The following GPR39 variants were observed in gnomAD, a reference collection of about 807,000 sequenced individuals.
The protein encoded by GPR39 is G protein-coupled receptor 39.
GPR39 carries 23 observed loss-of-function variants against 18.4 expected under a neutral mutation model. The ratio of observed to expected loss-of-function variants is 1.25; its 90% CI spans 0.90 to 1.77. The LOEUF (loss-of-function observed/expected upper bound fraction) is 1.77. Ranked by LOEUF, GPR39 falls within the 40% of genes most tolerant of loss-of-function variation. The pLI, the probability that GPR39 is intolerant of heterozygous loss-of-function variation, is 0.00. For synonymous variants in GPR39, 280 were observed against 257.9 expected, an observed-to-expected ratio of 1.09 and a Z score of -0.82; for missense variants, 647 against 602.4, an observed-to-expected ratio of 1.07 and a Z score of -0.78.
At chr2:132,603,823 G>T (rs548285420) in intron 1 of GPR39, among the ~76,000 whole-genome samples, 44 of 152,268 alleles carry the variant, frequency 2.9e-4, no homozygotes, top group African/African-American at 1.0e-3. Context: ...AGCCTTTGAA[G>T]GACTCAAGGC....
At chr2:132,585,398 A>G (rs2104826748) in intron 1 of GPR39, among the ~76,000 whole-genome samples, 1 of 152,256 alleles carries the variant, frequency 6.6e-6, no homozygotes, top group Non-Finnish European at 1.5e-5. Flanking sequence ...TGCCAGTCCC[A>G]GTCCTTGAGC....
At chr2:132,529,488 C>T (rs1679572732) in intron 1 of GPR39, among the ~76,000 whole-genome samples, 1 of 152,226 alleles carries the variant, frequency 6.6e-6, no homozygotes, top group African/African-American at 2.4e-5. Flanking sequence ...CGCTGTCTGA[C>T]AGCTTTGAAA....
At chr2:132,512,002 A>G (rs1444912225) in intron 1 of GPR39, among the ~76,000 whole-genome samples, 5 of 152,108 alleles carry the variant, frequency 3.3e-5, no homozygotes, top group East Asian at 3.9e-4. Context: ...CCAGTCCCCA[A>G]TCCCCAGACA....
intron 1 of GPR39, among the ~76,000 whole-genome samples, chr2:132,554,178 C>T (rs200987178): frequency 2.0e-5 from 3 of 152,094 alleles, no homozygotes; most frequent in South Asian, 2.1e-4. Context: ...AACTGGGAGC[C>T]GTGGTGGCCT....
rs372010012 is a variant in GPR39 at position 132,528,903 on chromosome 2, G to A, written c.856+111005G>A. Reference sequence around the variant, plus strand: ...TCCTGGGGGTGGAGCCAAGATGACTGAATAGGAACAGCTCCAGTCTACAGC... The same window carrying A: ...TCCTGGGGGTGGAGCCAAGATGACTAAATAGGAACAGCTCCAGTCTACAGC... On this transcript the variant is annotated intron_variant, in intron 1 of 1. Transcript: ENST00000329321. Among the ~76,000 whole-genome samples, 6 of 152,108 alleles carry A rather than the reference G, an allele frequency of 3.9e-5. No individual in the cohort carries two copies. In the East Asian group the frequency reaches 9.7e-4, roughly 25 times the overall value.
intron 1 of GPR39, among the ~76,000 whole-genome samples, chr2:132,541,463 T>C (rs1679860399): frequency 6.6e-6 from 1 of 152,212 alleles, no homozygotes; most frequent in Admixed American, 6.5e-5. Flanking sequence ...ATATCCTGAA[T>C]TGACAGGGCA....
At chr2:132,555,046 G>T (rs1273678293) in intron 1 of GPR39, among the ~76,000 whole-genome samples, 2 of 151,986 alleles carry the variant, frequency 1.3e-5, no homozygotes, top group Admixed American at 1.3e-4. Context: ...CCACCTCCCA[G>T]GTTCAAGCGA....
intron 1 of GPR39, among the ~76,000 whole-genome samples, chr2:132,624,157 G>A (rs1405326424): frequency 6.6e-6 from 1 of 152,308 alleles, no homozygotes; most frequent in East Asian, 1.9e-4. Context: ...TGTCGGTAGG[G>A]TTGGCTCTTG....
chr2:132,441,447 A>C (rs1469541233), intron 1 of GPR39, among the ~76,000 whole-genome samples: 1 of 152,172 alleles, frequency 6.6e-6, no homozygotes, highest in Non-Finnish European at 1.5e-5. Flanking sequence ...TACCATGGAA[A>C]GAACTGAAAA....
intron 1 of GPR39, among the ~76,000 whole-genome samples, chr2:132,583,221 G>C (rs531980238): frequency 6.6e-6 from 1 of 152,100 alleles, no homozygotes; most frequent in East Asian, 1.9e-4. Context: ...AGTACCTACT[G>C]TTTCATGAAA....
chr2:132,438,933 C>T (rs577356305), intron 1 of GPR39, among the ~76,000 whole-genome samples: 25 of 152,230 alleles, frequency 1.6e-4, no homozygotes, highest in Non-Finnish European at 2.8e-4. Context: ...TATGTCGCAG[C>T]GAGCATGTGT....
chr2:132,639,057 G>A (rs1681815183), intron 1 of GPR39, among the ~76,000 whole-genome samples: 1 of 149,178 alleles, frequency 6.7e-6, no homozygotes, highest in African/African-American at 2.6e-5. Flanking sequence ...CTTGCCTGTG[G>A]GAATGTTTAT....
intron 1 of GPR39, among the ~76,000 whole-genome samples, chr2:132,465,232 C>A (rs551985809): frequency 1.2e-4 from 19 of 152,228 alleles, no homozygotes; most frequent in African/African-American, 4.6e-4. Context: ...CAGATCTGGG[C>A]AGTCGCCTGG....
Position 132,502,017 on chromosome 2 carries a change from A to G in GPR39, c.856+84119A>G, listed in dbSNP as rs1354211782. ...AAGACAGCAGAAACTTGCTTGGTGA[A>G]TTCTTATTCATTCTGCCATCTTGTA... is the stretch of plus-strand genomic sequence containing the variant. On this transcript the variant is annotated intron_variant, in intron 1 of 1. Transcript: ENST00000329321. Among the ~76,000 whole-genome samples the G allele has an allele frequency of 2.0e-5, 3 of 152,244 alleles. No homozygotes were observed. The East Asian group carries it at 5.8e-4, about 29-fold the overall frequency.
At chr2:132,558,290 G>A (rs1461149042) in intron 1 of GPR39, among the ~76,000 whole-genome samples, 1 of 151,918 alleles carries the variant, frequency 6.6e-6, no homozygotes, top group African/African-American at 2.4e-5. Flanking sequence ...CTTGTGAGGA[G>A]GAAATGAGAA....
chr2:132,581,648 C>T (rs754366430), intron 1 of GPR39, among the ~76,000 whole-genome samples: 12 of 152,072 alleles, frequency 7.9e-5, no homozygotes, highest in Admixed American at 1.3e-4. Flanking sequence ...TGGGTCAATG[C>T]GGAGTGAGGC....
intron 1 of GPR39, among the ~76,000 whole-genome samples, chr2:132,534,737 G>A (rs1168050108): frequency 6.6e-6 from 1 of 151,864 alleles, no homozygotes; most frequent in Non-Finnish European, 1.5e-5. Flanking sequence ...ACTATCGCAA[G>A]GACAAAAAAC....
intron 1 of GPR39, among the ~76,000 whole-genome samples, chr2:132,493,717 G>A (rs1033138352): frequency 1.3e-5 from 2 of 151,526 alleles, no homozygotes; most frequent in Non-Finnish European, 2.9e-5. Context: ...TTGAGTGGAA[G>A]GTGCCTGCAA....
At chr2:132,609,093 T>C (rs1681194440) in intron 1 of GPR39, among the ~76,000 whole-genome samples, 2 of 152,208 alleles carry the variant, frequency 1.3e-5, no homozygotes, top group Admixed American at 6.5e-5. Flanking sequence ...GATGTTTTAT[T>C]TGAAGCTCAG....
Sources: allele counts gnomAD v4.1 joint callset (sites outside exome capture counted in the v4.1 genomes callset), GRCh38; gene constraint gnomAD v4.1.1; transcripts MANE v1.5; gene names NCBI Gene and HGNC (gene_info 2026-07-23, HGNC 2026-07-21).